The following KIF26A variants were observed in gnomAD, a reference collection of about 807,000 sequenced individuals.
The protein encoded by KIF26A is kinesin-like protein KIF26A.
In KIF26A, 74 loss-of-function variants were observed where a neutral mutation model predicts 126.0. The ratio of observed to expected loss-of-function variants is 0.59; its 90% CI spans 0.49 to 0.71. The LOEUF (loss-of-function observed/expected upper bound fraction) is 0.71. KIF26A is among the 30% of genes least tolerant of loss of function. KIF26A has a pLI of 0.00. For missense variants in KIF26A, 2,984 were observed against 2,763.3 expected (o/e 1.08, Z -1.79); for synonymous variants, 1,445 against 1,232.7 (o/e 1.17, Z -3.61).
In KIF26A at chr14:104,146,621, T is replaced by G. The variant is rs552060062; in HGVS notation, c.289-5394T>G. On this transcript the variant is annotated intron_variant, in intron 2 of 14. Coordinates refer to ENST00000423312, the MANE Select transcript of KIF26A (RefSeq NM_015656.2). ...GGCAGCCACAGAGCCAGGCTGTCCCTGGCTTCTCCTTCTCCACTGTGTTTC... is the reference window on the plus strand; with the variant it reads ...GGCAGCCACAGAGCCAGGCTGTCCCGGGCTTCTCCTTCTCCACTGTGTTTC... Among the ~76,000 whole-genome samples, 462 of 152,224 alleles carry G rather than the reference T, an allele frequency of 3.0e-3. 2 individuals are homozygous for G. Among genetic ancestry groups the G allele is most frequent in the Non-Finnish European group, 1.7e-3 (117 of 68,000 alleles).
chr14:104,157,671 G>A (rs924468211), intron 3 of KIF26A, 84 bp from the exon 4 acceptor site: 4 of 1,434,472 alleles, frequency 2.8e-6, no homozygotes, highest in Non-Finnish European at 1.9e-6. Context: ...GGGTGCCCAG[G>A]CCTGTCTCTC....
Position 104,160,322 on chromosome 14 carries a change from C to T in KIF26A, c.923+2380C>T, listed in dbSNP as rs531159637. 1.9e-4 allele frequency among the ~76,000 whole-genome samples: 29 copies of T among 152,190 alleles called. No homozygotes were observed. The East Asian group carries it at 5.4e-3, about 28-fold the overall frequency. On this transcript the variant is annotated intron_variant, in intron 4 of 14. Transcript: ENST00000423312. ...TCAGCTCTGCTGCTGCCCACAAGCA[C>T]CCCCCAGCCGGATTAGGGCACCAGC...
chr14:104,172,001 G>T, intron 6 of KIF26A, 66 bp downstream of exon 6: 1 of 1,430,952 alleles, frequency 7.0e-7, no homozygotes, highest in South Asian at 1.3e-5. Context: ...CAGCACATGG[G>T]TCCGATCTGC....
intron 4 of KIF26A, among the ~76,000 whole-genome samples, chr14:104,162,109 A>G (rs1371807215): frequency 6.6e-6 from 1 of 152,182 alleles, no homozygotes; most frequent in Non-Finnish European, 1.5e-5. Context: ...CAAAGGAGAA[A>G]GTGCTCGTTC....
At chr14:104,144,676 G>A (rs565332125) in intron 2 of KIF26A, among the ~76,000 whole-genome samples, 14 of 152,218 alleles carry the variant, frequency 9.2e-5, no homozygotes, top group Non-Finnish European at 1.8e-4. Flanking sequence ...GCTCTGGGCC[G>A]CGTGGGACTT....
chr14:104,167,505 C>T (rs544281967), intron 5 of KIF26A, among the ~76,000 whole-genome samples: 12 of 152,230 alleles, frequency 7.9e-5, no homozygotes, highest in Admixed American at 5.9e-4. Flanking sequence ...TCTGGCGCCG[C>T]GCTCCACATG....
intron 5 of KIF26A, among the ~76,000 whole-genome samples, 199 bp downstream of exon 5, chr14:104,167,247 G>T (rs1286257110): frequency 2.0e-5 from 3 of 152,088 alleles, no homozygotes; most frequent in Non-Finnish European, 2.9e-5. Flanking sequence ...GGACTGCCGG[G>T]ATGGGAGGGG....
At chr14:104,170,680 G>A (rs570978759) in intron 5 of KIF26A, among the ~76,000 whole-genome samples, 13 of 152,370 alleles carry the variant, frequency 8.5e-5, no homozygotes, top group Non-Finnish European at 1.5e-4. Context: ...GGTGGCCCTC[G>A]TGTGCGCAGC....
intron 5 of KIF26A, among the ~76,000 whole-genome samples, chr14:104,169,946 G>A (rs1356142378): frequency 2.0e-5 from 3 of 152,166 alleles, no homozygotes; most frequent in African/African-American, 4.8e-5. Context: ...AATGGCCTGC[G>A]CTGGGACCAG....
intron 3 of KIF26A, among the ~76,000 whole-genome samples, chr14:104,154,535 G>A (rs562076164): frequency 6.6e-6 from 1 of 152,304 alleles, no homozygotes; most frequent in East Asian, 1.9e-4. Flanking sequence ...CTGTTGGGCC[G>A]GGGCAGCGCT....
chr14:104,153,217 C>A (rs917408486), intron 3 of KIF26A, among the ~76,000 whole-genome samples: 2 of 152,142 alleles, frequency 1.3e-5, no homozygotes, highest in Non-Finnish European at 2.9e-5. Flanking sequence ...GATCCTGCCC[C>A]AGCTGGGGGC....
chr14:104,176,261 C>T lies in KIF26A; in HGVS notation c.3473C>T (p.Ser1158Phe), dbSNP rs984738200. The change falls in exon 12 of 15, where the codon TCT becomes TTT. Residue 1158 changes from serine to phenylalanine, a missense_variant. Ser to Phe is a radical substitution (Grantham distance 155). Coordinates refer to ENST00000423312, the MANE Select transcript of KIF26A (RefSeq NM_015656.2). Reference sequence around the variant, plus strand: ...GATGGTTCCCTGGGGGATGGAAGCTCTGGGTTCCTGGGGCCAGACAGACCT... The same window carrying T: ...GATGGTTCCCTGGGGGATGGAAGCTTTGGGTTCCTGGGGCCAGACAGACCT... ...ALDGSLGDGSSGFLGPDRPDS... is the reference protein window; with the variant it reads ...ALDGSLGDGSFGFLGPDRPDS... The T allele has an allele frequency of 1.3e-6, 2 of 1,595,522 alleles. No individual in the cohort carries two copies. Among genetic ancestry groups the T allele is most frequent in the African/African-American group, 1.3e-5 (1 of 74,510 alleles).
intron 2 of KIF26A, among the ~76,000 whole-genome samples, chr14:104,142,643 G>A (rs552795131): frequency 3.5e-4 from 53 of 152,244 alleles, no homozygotes; most frequent in African/African-American, 1.3e-3. Context: ...CTCCCATTCA[G>A]CAGGCAAAGC....
intron 2 of KIF26A, among the ~76,000 whole-genome samples, chr14:104,140,667 C>T (rs934205264): frequency 2.6e-5 from 4 of 152,076 alleles, no homozygotes; most frequent in African/African-American, 9.7e-5. Context: ...TGATACTAGT[C>T]CCTGGTGGAT....
chr14:104,170,259 G>A (rs987132069), intron 5 of KIF26A, among the ~76,000 whole-genome samples: 1 of 152,236 alleles, frequency 6.6e-6, no homozygotes, highest in African/African-American at 2.4e-5. Flanking sequence ...CTGCTTTGTG[G>A]TGGCGTCTGG....
chr14:104,178,623 C>T lies in KIF26A; in HGVS notation c.5184C>T (p.Pro1728=), dbSNP rs773312342. ...TTALGRKPSL[P]GQWVDLPPPL... is the part of the protein sequence containing the mutation. ...CCCTGGGCCGTAAGCCCAGCCTCCC[C>T]GGGCAGTGGGTGGACCTGCCCCCGC... The change falls in exon 13 of 15, where the codon CCC becomes CCT. Residue 1728 remains proline, a synonymous_variant. Coordinates refer to ENST00000423312, the MANE Select transcript of KIF26A (RefSeq NM_015656.2). 544 of 1,548,806 alleles carry T rather than the reference C, an allele frequency of 3.5e-4. No homozygotes were observed. Among genetic ancestry groups the T allele is most frequent in the East Asian group, 1.2e-3 (51 of 40,940 alleles).
At chr14:104,146,999 A>C (rs1215247927) in intron 2 of KIF26A, among the ~76,000 whole-genome samples, 1 of 152,080 alleles carries the variant, frequency 6.6e-6, no homozygotes, top group African/African-American at 2.4e-5. Flanking sequence ...GTTTCTGCCC[A>C]GGGATGCCTG....
rs374337680 is a variant in KIF26A at position 104,152,754 on chromosome 14, C to G, written c.735+293C>G. 6.6e-6 allele frequency among the ~76,000 whole-genome samples: 1 copy of G among 152,218 alleles called. No individual in the cohort carries two copies. Among genetic ancestry groups the G allele is most frequent in the South Asian group, 2.1e-4 (1 of 4,830 alleles). On this transcript the variant is annotated intron_variant, in intron 3 of 14. Coordinates refer to ENST00000423312, the MANE Select transcript of KIF26A (RefSeq NM_015656.2). The surrounding 1 kb of genome is among the most constrained non-coding windows in gnomAD (Gnocchi z 5.9). ...GCTGAGGGCCCACCAGTGCCCAGCACAGGGCTTGGCGATGCACAGGGCACC... is the reference window on the plus strand; with the variant it reads ...GCTGAGGGCCCACCAGTGCCCAGCAGAGGGCTTGGCGATGCACAGGGCACC...
At chr14:104,166,808 G>A in intron 4 of KIF26A, 51 bp from the exon 5 acceptor site, 4 of 1,453,964 alleles carry the variant, frequency 2.8e-6, no homozygotes, top group Non-Finnish European at 3.7e-6. Flanking sequence ...CGGGTGACAG[G>A]AACAGCTGCT....
Sources: gnomAD v4.1 joint callset for allele counts (sites outside exome capture counted in the v4.1 genomes callset) on GRCh38, gnomAD v4.1.1 for gene constraint, Gnocchi (gnomAD v3.1) non-coding constraint, MANE v1.5 for transcripts, NCBI Gene and HGNC (gene_info 2026-07-23, HGNC 2026-07-21) for gene names.